Variants in ITGB5 observed in about 807,000 individuals in gnomAD.
The protein encoded by ITGB5 is integrin subunit beta 5.
ITGB5 carries 38 observed loss-of-function variants against 84.8 expected under a neutral mutation model. The observed-to-expected ratio is 0.45, with a 90% CI of 0.35 to 0.59. ITGB5 has a LOEUF of 0.59. ITGB5 is among the 20% of genes least tolerant of loss of function. The pLI, the probability that ITGB5 is intolerant of heterozygous loss-of-function variation, is 0.01. For missense variants in ITGB5, 905 were observed against 1,034.5 expected (o/e 0.87, Z 1.72); for synonymous variants, 393 against 414.4 (o/e 0.95, Z 0.63).
chr3:124,796,724 G>A lies in ITGB5; in HGVS notation c.1357C>T (p.Leu453=). 2.5e-6 allele frequency: 4 copies of A among 1,614,158 alleles called. No individual in the cohort carries two copies. The highest frequency in any genetic ancestry group is 3.4e-6 in the Non-Finnish European group (4 of 1,180,044). The change falls in exon 10 of 15, where the codon CTG becomes TTG. Residue 453 remains leucine (L), a synonymous_variant. Transcript: ENST00000296181. ...ALRPVGFRDS[L]EVGVTYNCTC... The stretch of plus-strand genomic sequence containing the variant: ...CAGTTGTAGGTGACCCCCACCTCCA[G>A]GCTGTCCCGGAATCCCACCGGCCGC...
intron 2 of ITGB5, among the ~76,000 whole-genome samples, chr3:124,866,659 C>T (rs565847902): frequency 2.0e-5 from 3 of 152,166 alleles, no homozygotes; most frequent in Non-Finnish European, 2.9e-5. Context: ...TGGACACAGG[C>T]GGGGAGCTGG....
chr3:124,868,767 C>T (rs1447197693), intron 2 of ITGB5, among the ~76,000 whole-genome samples: 1 of 151,796 alleles, frequency 6.6e-6, no homozygotes, highest in Non-Finnish European at 1.5e-5. Context: ...CACCACTGCA[C>T]TGCAGCCTGG....
intron 12 of ITGB5, among the ~76,000 whole-genome samples, chr3:124,768,787 G>A (rs1287596930): frequency 6.6e-6 from 1 of 152,204 alleles, no homozygotes; most frequent in African/African-American, 2.4e-5. Flanking sequence ...ATTGTATGGT[G>A]ATTCTACGTT....
At chr3:124,842,043 T>G (rs3772845) in intron 4 of ITGB5, among the ~76,000 whole-genome samples, 8 of 152,284 alleles carry the variant, frequency 5.3e-5, no homozygotes, top group African/African-American at 1.9e-4. Context: ...CACATAATCT[T>G]GTCATGTCAA....
chr3:124,782,390 C>T (rs143233680), intron 10 of ITGB5, among the ~76,000 whole-genome samples: 64 of 152,196 alleles, frequency 4.2e-4, no homozygotes, highest in African/African-American at 1.3e-3. Context: ...CCACTACAGC[C>T]GAGAAGTCAA....
intron 10 of ITGB5, among the ~76,000 whole-genome samples, chr3:124,794,506 C>T (rs1255234580): frequency 5.9e-5 from 9 of 152,102 alleles, no homozygotes; most frequent in Non-Finnish European, 7.4e-5. Flanking sequence ...GTGGGCTGGG[C>T]GCAGTGGCTC....
intron 9 of ITGB5, among the ~76,000 whole-genome samples, chr3:124,801,984 C>T (rs1029894790): frequency 5.9e-5 from 9 of 152,226 alleles, no homozygotes; most frequent in African/African-American, 1.9e-4. Context: ...ACCAGCCCAC[C>T]CCGGCTTTCT....
At chr3:124,800,085 A>C (rs536157492) in intron 9 of ITGB5, among the ~76,000 whole-genome samples, 7 of 152,232 alleles carry the variant, frequency 4.6e-5, no homozygotes, top group Non-Finnish European at 1.0e-4. Flanking sequence ...ACTTGCTTGC[A>C]TCTCCTATTA....
rs765416749 is a variant in ITGB5 at position 124,859,379 on chromosome 3, C to T, written c.224G>A (p.Cys75Tyr). The change falls in exon 3 of 15, where the codon TGT becomes TAT. Residue 75 changes from cysteine (C) to tyrosine (Y), a missense_variant. Around this residue, in one of 3 missense-constraint regions of ITGB5, gnomAD observed 656 missense variants for 734.7 expected, o/e 0.89. Transcript: ENST00000296181. ...DLRANLVKNG[C>Y]GGEIESPASS... The stretch of plus-strand genomic sequence containing the variant: ...GGCTGGGCTCTCTATCTCACCTCCA[C>T]AGCCATTTTTGACAAGGTTTGCCCT... 6.2e-7 allele frequency: 1 copy of T among 1,614,184 alleles called. No individual in the cohort carries two copies. Among genetic ancestry groups the T allele is most frequent in the Admixed American group, 1.7e-5 (1 of 60,028 alleles).
chr3:124,774,540 G>C (rs576630990), intron 10 of ITGB5, among the ~76,000 whole-genome samples: 5 of 152,262 alleles, frequency 3.3e-5, no homozygotes, highest in East Asian at 3.9e-4. Flanking sequence ...TGCTCCCTGG[G>C]AGCCTCAGAG....
chr3:124,858,357 TG>T (rs1298513701), intron 3 of ITGB5, among the ~76,000 whole-genome samples: 1 of 152,138 alleles, frequency 6.6e-6, no homozygotes, highest in Non-Finnish European at 1.5e-5. Flanking sequence ...TGGAATTTGC[TG>T]ACAGGAAAAA....
intron 9 of ITGB5, among the ~76,000 whole-genome samples, chr3:124,803,362 C>T (rs561994815): frequency 3.9e-5 from 6 of 152,258 alleles, no homozygotes; most frequent in Admixed American, 1.3e-4. Flanking sequence ...TCTCAGGCCC[C>T]ACTTTGAGTC....
chr3:124,865,993 A>G (rs906252994), intron 2 of ITGB5, among the ~76,000 whole-genome samples: 7 of 151,318 alleles, frequency 4.6e-5, no homozygotes, highest in African/African-American at 1.7e-4. Context: ...GACTCCATAT[A>G]TATTTTGTTT....
At chr3:124,787,214 C>T (rs911189685) in intron 10 of ITGB5, among the ~76,000 whole-genome samples, 2 of 152,100 alleles carry the variant, frequency 1.3e-5, no homozygotes, top group Non-Finnish European at 2.9e-5. Flanking sequence ...GGGAGTGGGA[C>T]GGTGAGGGGA....
chr3:124,887,282 G>A lies in ITGB5; in HGVS notation c.-282C>T, dbSNP rs1278971090. On this transcript the variant is annotated 5_prime_UTR_variant, in exon 1 of 15. Coordinates refer to ENST00000296181, the MANE Select transcript of ITGB5 (RefSeq NM_002213.5). ...CCCCAGCGGGCTGCTCCGGGTAGGG[G>A]AGGGGCTGGCTCCGCTCGGCGGCCG... The A allele has an allele frequency of 6.5e-6, 1 of 152,792 alleles. No individual in the cohort carries two copies. Among genetic ancestry groups the A allele is most frequent in the Non-Finnish European group, 1.5e-5 (1 of 68,568 alleles). 9.5% of individuals were successfully genotyped at this position (152,792 alleles called of 1,614,324 possible).
intron 5 of ITGB5, among the ~76,000 whole-genome samples, chr3:124,834,335 G>T: frequency 6.6e-6 from 1 of 151,522 alleles, no homozygotes; most frequent in Non-Finnish European, 1.5e-5. Flanking sequence ...TCAGAGGGAA[G>T]TTGTGGGAAT....
intron 4 of ITGB5, among the ~76,000 whole-genome samples, chr3:124,842,311 C>T (rs901568215): frequency 2.0e-5 from 3 of 152,248 alleles, no homozygotes; most frequent in Non-Finnish European, 4.4e-5. Context: ...GGGTGATCTC[C>T]TTTTCAGTCT....
intron 9 of ITGB5, among the ~76,000 whole-genome samples, chr3:124,799,846 A>T (rs971894643): frequency 3.9e-5 from 6 of 152,126 alleles, no homozygotes; most frequent in African/African-American, 7.2e-5. Context: ...GTGCGCAGGG[A>T]GAGCCAGCCT....
chr3:124,819,961 G>A, intron 6 of ITGB5, 127 bp from the exon 7 acceptor site: 1 of 748,142 alleles, frequency 1.3e-6, no homozygotes, highest in Non-Finnish European at 2.4e-6. Context: ...TGGCCCCTTA[G>A]AGTCCCTTAA....
Sources: gnomAD v4.1 joint callset for allele counts (sites outside exome capture counted in the v4.1 genomes callset) on GRCh38, gnomAD v4.1.1 for gene constraint, gnomAD v4.1.1 regional missense constraint, MANE v1.5 for transcripts, NCBI Gene and HGNC (gene_info 2026-07-23, HGNC 2026-07-21) for gene names.